OTULINL: variants seen among roughly 807,000 people sequenced by gnomAD.
OTULINL encodes the protein OTU deubiquitinase with linear linkage specificity like.
A neutral mutation model predicts 43.9 loss-of-function variants in OTULINL; 42 were observed. That is an observed-to-expected ratio of 0.96 (90% CI 0.75 to 1.24). OTULINL has a LOEUF of 1.24. Among genes scored for constraint, OTULINL ranks in the 50% most tolerant of loss-of-function variants. The pLI, the probability that OTULINL is intolerant of heterozygous loss-of-function variation, is 0.00. For missense variants in OTULINL, 411 were observed against 426.4 expected, an observed-to-expected ratio of 0.96 and a Z score of 0.32; for synonymous variants, 172 against 153.6, an observed-to-expected ratio of 1.12 and a Z score of -0.88.
chr5:14,608,750 G>A lies in OTULINL; in HGVS notation c.630G>A (p.Trp210Ter), dbSNP rs747905234. The change falls in exon 7 of 8, where the codon TGG (tryptophan) becomes TGA (stop). Residue 210 changes from tryptophan to a stop codon, truncating the protein, a stop_gained and splice_region_variant. Transcript: ENST00000274217. LOFTEE classifies it high-confidence loss of function. ...RKYVELLKTQWTEFNGIRDYH... is the reference protein window; with the variant it reads ...RKYVELLKTQ ...TTCACTTTTACATCTGTTTTTAGTG[G>A]ACTGAATTTAATGGCATTAGAGATT... 6.3e-7 allele frequency: 1 copy of A among 1,597,206 alleles called. No homozygotes were observed. The highest frequency in any genetic ancestry group is 8.6e-7 in the Non-Finnish European group (1 of 1,167,996).
chr5:14,615,625 G>A lies in OTULINL; in HGVS notation c.*5311G>A, dbSNP rs566880947. On this transcript the variant is annotated 3_prime_UTR_variant, in exon 8 of 8. Coordinates refer to ENST00000274217, the MANE Select transcript of OTULINL (RefSeq NM_019018.3). The stretch of plus-strand genomic sequence containing the variant: ...ATCTTGGTATCATTGTGGGTAAGTA[G>A]AACAAATATTTACATCTGTTATGAA... Among the ~76,000 whole-genome samples, 36 of 152,246 alleles carry A rather than the reference G, an allele frequency of 2.4e-4. No individual in the cohort carries two copies. Among genetic ancestry groups the A allele is most frequent in the South Asian group, 4.1e-4 (2 of 4,824 alleles).
chr5:14,599,587 CTG>C (rs879431082), intron 1 of OTULINL, among the ~76,000 whole-genome samples: 1 of 152,038 alleles, frequency 6.6e-6, no homozygotes, highest in Non-Finnish European at 1.5e-5. Context: ...ATGATAAAAA[CTG>C]TCAAAATTTT....
intron 6 of OTULINL, among the ~76,000 whole-genome samples, 183 bp from the exon 7 acceptor site, chr5:14,608,565 C>G (rs1474859507): frequency 6.6e-6 from 1 of 152,058 alleles, no homozygotes. Context: ...CATGTTCAGT[C>G]CACTGCAGTA....
chr5:14,608,767 T>G lies in OTULINL; in HGVS notation c.647T>G (p.Ile216Ser), dbSNP rs375644202. 1.6e-4 allele frequency: 252 copies of G among 1,609,200 alleles called. No individual in the cohort carries two copies. Among genetic ancestry groups the G allele is most frequent in the Non-Finnish European group, 2.0e-4 (231 of 1,176,166 alleles). Residue 216 changes from isoleucine (I) to serine (S), a missense_variant, in exon 7 of 8, where the codon ATT (isoleucine) becomes AGT (serine). Coordinates refer to ENST00000274217, the MANE Select transcript of OTULINL (RefSeq NM_019018.3). ...TTTTAGTGGACTGAATTTAATGGCA[T>G]TAGAGATTATCACAAGAGAGGAAGT... ...LKTQWTEFNGIRDYHKRGSMC... is the reference protein window; with the variant it reads ...LKTQWTEFNGSRDYHKRGSMC...
intron 1 of OTULINL, among the ~76,000 whole-genome samples, chr5:14,598,773 TAAAA>T (rs1203863932): frequency 6.6e-6 from 1 of 152,182 alleles, no homozygotes; most frequent in African/African-American, 2.4e-5. Context: ...TATGCATCAT[TAAAA>T]AGAATAATGT....
intron 5 of OTULINL, among the ~76,000 whole-genome samples, chr5:14,603,363 G>A (rs992829648): frequency 2.0e-5 from 3 of 152,180 alleles, no homozygotes; most frequent in South Asian, 2.1e-4. Flanking sequence ...CTGCCTGCTT[G>A]TATGCTAGGT....
chr5:14,598,634 C>CT (rs1560963930), intron 1 of OTULINL, among the ~76,000 whole-genome samples: 2 of 152,184 alleles, frequency 1.3e-5, no homozygotes, highest in South Asian at 4.1e-4. Context: ...TGGCTTGAAT[C>CT]TAAGAGTTTG....
In OTULINL at chr5:14,612,991, C is replaced by A. The variant is rs536258500; in HGVS notation, c.*2677C>A. 6.6e-6 allele frequency among the ~76,000 whole-genome samples: 1 copy of A among 152,078 alleles called. No individual in the cohort carries two copies. Among genetic ancestry groups the A allele is most frequent in the African/African-American group, 2.4e-5 (1 of 41,380 alleles). On this transcript the variant is annotated 3_prime_UTR_variant, in exon 8 of 8. Coordinates refer to ENST00000274217, the MANE Select transcript of OTULINL (RefSeq NM_019018.3). Reference sequence around the variant, plus strand: ...AGGCTGCAGTGCAGTGGCACAATCTCGGCTCACTGCAACCTCTACCTCCCA... The same window carrying A: ...AGGCTGCAGTGCAGTGGCACAATCTAGGCTCACTGCAACCTCTACCTCCCA...
At chr5:14,584,285 G>T (rs1235611153) in intron 1 of OTULINL, among the ~76,000 whole-genome samples, 2 of 152,178 alleles carry the variant, frequency 1.3e-5, no homozygotes, top group African/African-American at 4.8e-5. Context: ...CATCTGTTCA[G>T]TGGTAACATT....
In OTULINL at chr5:14,610,566, TCAC is replaced by T; in HGVS notation, c.*253_*255del. On this transcript the variant is annotated 3_prime_UTR_variant, in exon 8 of 8. Coordinates refer to ENST00000274217, the MANE Select transcript of OTULINL (RefSeq NM_019018.3). ...TTTGTCCATAAGGGGCGTGGCCACT[TCAC>T]ATGATGGCGGGCCTTTAAGAGCACA... is the stretch of plus-strand genomic sequence containing the variant. 1 of 364,994 alleles carries T rather than the reference TCAC, an allele frequency of 2.7e-6. No homozygotes were observed. Among genetic ancestry groups the T allele is most frequent in the Non-Finnish European group, 5.0e-6 (1 of 198,204 alleles). 22.6% of individuals were successfully genotyped at this position (364,994 alleles called of 1,614,324 possible).
At chr5:14,597,787 C>A (rs1759312286) in intron 1 of OTULINL, among the ~76,000 whole-genome samples, 1 of 152,196 alleles carries the variant, frequency 6.6e-6, no homozygotes, top group African/African-American at 2.4e-5. Context: ...CACCAGCACC[C>A]CCATGAATAG....
At chr5:14,584,888 C>T (rs1442605690) in intron 1 of OTULINL, among the ~76,000 whole-genome samples, 1 of 152,144 alleles carries the variant, frequency 6.6e-6, no homozygotes, top group Non-Finnish European at 1.5e-5. Flanking sequence ...TGTTGTGTTC[C>T]CATGGGCAGT....
At chr5:14,590,909 A>ACATTGTAAAGAGTTTTG (rs539852082) in intron 1 of OTULINL, among the ~76,000 whole-genome samples, 1 of 152,320 alleles carries the variant, frequency 6.6e-6, no homozygotes, top group East Asian at 1.9e-4. Context: ...AAAGAGTTTT[A>ACATTGTAAAGAGTTTTG]CATTGTAAAG....
At chr5:14,594,946 C>G (rs1466495974) in intron 1 of OTULINL, among the ~76,000 whole-genome samples, 5 of 152,098 alleles carry the variant, frequency 3.3e-5, no homozygotes, top group African/African-American at 2.4e-5. Flanking sequence ...CTTCACCACT[C>G]TCTCTTCCAT....
In OTULINL at chr5:14,615,849, C is replaced by T. The variant is rs893828843; in HGVS notation, c.*5535C>T. Among the ~76,000 whole-genome samples the T allele has an allele frequency of 5.3e-5, 8 of 152,188 alleles. No homozygotes were observed. Among genetic ancestry groups the T allele is most frequent in the Non-Finnish European group, 1.0e-4 (7 of 68,044 alleles). On this transcript the variant is annotated 3_prime_UTR_variant, in exon 8 of 8. Coordinates refer to ENST00000274217, the MANE Select transcript of OTULINL (RefSeq NM_019018.3). Reference sequence around the variant, plus strand: ...GTTAGATTAGTAGTTGCAGTTGAGACCATTCCTCCTGTATGTCTTTACAAG... The same window carrying T: ...GTTAGATTAGTAGTTGCAGTTGAGATCATTCCTCCTGTATGTCTTTACAAG...
intron 1 of OTULINL, 94 bp downstream of exon 1, chr5:14,582,052 G>C (rs1759009976): frequency 2.2e-6 from 2 of 927,954 alleles, no homozygotes; most frequent in Non-Finnish European, 2.8e-6. Flanking sequence ...CGCCCTCCTC[G>C]GCGGCCACCT....
At chr5:14,602,103 C>A in intron 4 of OTULINL, 80 bp from the exon 5 acceptor site, 1 of 1,140,302 alleles carries the variant, frequency 8.8e-7, no homozygotes. Context: ...GGAGGAACAC[C>A]TCACTGAAAA....
At chr5:14,602,958 A>C (rs915300544) in intron 5 of OTULINL, among the ~76,000 whole-genome samples, 1 of 152,182 alleles carries the variant, frequency 6.6e-6, no homozygotes, top group African/African-American at 2.4e-5. Flanking sequence ...ACCACCCCAA[A>C]GATTCTCTTG....
Position 14,610,214 on chromosome 5 carries a change from G to C in OTULINL, c.971G>C (p.Arg324Thr), listed in dbSNP as rs1362043129. 2 of 1,613,976 alleles carry C rather than the reference G, an allele frequency of 1.2e-6. No homozygotes were observed. Among genetic ancestry groups the C allele is most frequent in the African/African-American group, 1.3e-5 (1 of 74,918 alleles). Residue 324 changes from arginine to threonine, a missense_variant, in exon 8 of 8, where the codon AGA becomes ACA. By Grantham distance (71) the Arg-to-Thr change is moderately conservative. Transcript: ENST00000274217. ...KVFRLFKFNS[R>T]DFEVCYPEEP... ...TTCAGACTGTTCAAGTTTAACTCCA[G>C]AGACTTTGAAGTCTGCTACCCAGAG...
Sources: allele counts gnomAD v4.1 joint callset (sites outside exome capture counted in the v4.1 genomes callset), GRCh38; gene constraint gnomAD v4.1.1; transcripts MANE v1.5; gene names NCBI Gene and HGNC (gene_info 2026-07-23, HGNC 2026-07-21).